MB21D2: variants seen among roughly 807,000 people sequenced by gnomAD.
The protein encoded by MB21D2 is nucleotidyltransferase MB21D2.
MB21D2 carries 9 observed loss-of-function variants against 33.3 expected under a neutral mutation model. The observed-to-expected ratio is 0.27, with a 90% CI of 0.16 to 0.47. The LOEUF (loss-of-function observed/expected upper bound fraction) is 0.47. Ranked by LOEUF, MB21D2 falls within the 20% of genes least tolerant of loss-of-function variation. MB21D2 has a pLI of 0.99. For missense variants in MB21D2, 540 were observed against 624.6 expected, an observed-to-expected ratio of 0.86 and a Z score of 1.44; for synonymous variants, 241 against 236.3, an observed-to-expected ratio of 1.02 and a Z score of -0.18.
rs1560247349 is a variant in MB21D2, at chr3:192,877,056, AAGGAGAGAAAC to A, written c.211+40563_211+40573del. Among the ~76,000 whole-genome samples, 4 of 152,282 alleles carry A rather than the reference AAGGAGAGAAAC, an allele frequency of 2.6e-5. No individual in the cohort carries two copies. The South Asian group carries it at 8.3e-4, about 32-fold the overall frequency. ...CTTATGGGTGGAATGTATGAAAGAG[AAGGAGAGAAAC>A]AGGAAGAAAGGAACGGAAGAAAAAC... On this transcript the variant is annotated intron_variant, in intron 1 of 1. Coordinates refer to ENST00000392452, the MANE Select transcript of MB21D2 (RefSeq NM_178496.4).
At chr3:192,866,799 T>C (rs544979730) in intron 1 of MB21D2, among the ~76,000 whole-genome samples, 17 of 152,328 alleles carry the variant, frequency 1.1e-4, no homozygotes, top group African/African-American at 4.1e-4. Flanking sequence ...TTCCCATCTT[T>C]AGAAGAGGAG....
intron 1 of MB21D2, among the ~76,000 whole-genome samples, chr3:192,858,083 C>G (rs899038271): frequency 1.3e-5 from 2 of 152,174 alleles, no homozygotes; most frequent in African/African-American, 4.8e-5. Context: ...CAAGATCACA[C>G]CACTGCACTC....
intron 1 of MB21D2, among the ~76,000 whole-genome samples, chr3:192,845,385 G>A (rs1241165062): frequency 1.3e-5 from 2 of 152,222 alleles, no homozygotes. Flanking sequence ...CCAAGGGTGA[G>A]CTTTGTGGTA....
At chr3:192,807,067 GAA>G (rs1711679911) in intron 1 of MB21D2, among the ~76,000 whole-genome samples, 1 of 152,142 alleles carries the variant, frequency 6.6e-6, no homozygotes. Flanking sequence ...GGTAATCAGT[GAA>G]CAGGGTTTGT....
At chr3:192,890,661 C>T (rs1713833346) in intron 1 of MB21D2, among the ~76,000 whole-genome samples, 1 of 151,504 alleles carries the variant, frequency 6.6e-6, no homozygotes, top group Non-Finnish European at 1.5e-5. Context: ...CAGGTACAAA[C>T]TCATCAATTT....
intron 1 of MB21D2, among the ~76,000 whole-genome samples, chr3:192,829,993 G>C (rs1712277377): frequency 6.6e-6 from 1 of 152,078 alleles, no homozygotes; most frequent in Non-Finnish European, 1.5e-5. Flanking sequence ...CTCCCAAGTA[G>C]GTAGGACTAC....
intron 1 of MB21D2, among the ~76,000 whole-genome samples, chr3:192,816,222 T>TA (rs1197108873): frequency 0.011 from 1,353 of 122,532 alleles, 13 homozygotes; most frequent in African/African-American, 0.035. Flanking sequence ...ATTTTTTTTT[T>TA]TAAAAAAAAA....
rs1560222986 is a variant in MB21D2 at position 192,797,153 on chromosome 3, A to C, written c.*1233T>G. The C allele has an allele frequency of 6.6e-6, 1 of 152,656 alleles. No individual in the cohort carries two copies. Among genetic ancestry groups the C allele is most frequent in the Non-Finnish European group, 1.5e-5 (1 of 68,060 alleles). The allele number at this position is 152,656 out of a possible 1,614,324, so 9.5% of individuals were successfully genotyped here. A position where few individuals can be genotyped will look rare whatever the true frequency, so the allele number is the denominator to read the frequency against. ...AATCAGGCAAGTAACTTCACTCATG[A>C]AGACAGGACACCTCTATACCAAGGC... is the stretch of plus-strand genomic sequence containing the variant. On this transcript the variant is annotated 3_prime_UTR_variant, in exon 2 of 2. Coordinates refer to ENST00000392452, the MANE Select transcript of MB21D2 (RefSeq NM_178496.4).
At chr3:192,813,592 T>C (rs1394486592) in intron 1 of MB21D2, among the ~76,000 whole-genome samples, 4 of 152,182 alleles carry the variant, frequency 2.6e-5, no homozygotes, top group South Asian at 2.1e-4. Flanking sequence ...ATTTGTTCCC[T>C]ATAATTACTT....
At chr3:192,831,692 G>A (rs1712318893) in intron 1 of MB21D2, among the ~76,000 whole-genome samples, 1 of 152,064 alleles carries the variant, frequency 6.6e-6, no homozygotes, top group Non-Finnish European at 1.5e-5. Flanking sequence ...TCGATTCTAA[G>A]GTGCCTACTA....
intron 1 of MB21D2, among the ~76,000 whole-genome samples, chr3:192,901,232 T>C (rs1370818333): frequency 6.6e-6 from 1 of 152,020 alleles, no homozygotes; most frequent in African/African-American, 2.4e-5. Flanking sequence ...ATTGTCCAGA[T>C]AGTTCACTAT....
intron 1 of MB21D2, among the ~76,000 whole-genome samples, chr3:192,881,840 T>C (rs1713603145): frequency 6.6e-6 from 1 of 152,098 alleles, no homozygotes; most frequent in Non-Finnish European, 1.5e-5. Context: ...GGCATCAATG[T>C]TTATCTGTTC....
chr3:192,830,068 C>T (rs1292182126), intron 1 of MB21D2, among the ~76,000 whole-genome samples: 2 of 152,080 alleles, frequency 1.3e-5, no homozygotes, highest in Non-Finnish European at 2.9e-5. Flanking sequence ...CGGCGTCTTG[C>T]TATGTTGCCC....
rs995911829 is a variant in MB21D2 at position 192,797,344 on chromosome 3, GA to G, written c.*1041del. The G allele has an allele frequency of 1.6e-4, 25 of 152,642 alleles. No individual in the cohort carries two copies. Among genetic ancestry groups the G allele is most frequent in the African/African-American group, 6.0e-4 (25 of 41,544 alleles). The allele number at this position is 152,642 out of a possible 1,614,324, so 9.5% of individuals were successfully genotyped here. On this transcript the variant is annotated 3_prime_UTR_variant, in exon 2 of 2. Transcript: ENST00000392452. The stretch of plus-strand genomic sequence containing the variant: ...AAAGCTTACCTCTATGACCCCAAAA[GA>G]AATAAATACAAAGACACCTACTTCA...
At chr3:192,830,993 C>T (rs1712303279) in intron 1 of MB21D2, among the ~76,000 whole-genome samples, 1 of 152,174 alleles carries the variant, frequency 6.6e-6, no homozygotes, top group African/African-American at 2.4e-5. Context: ...AAGGAAACAG[C>T]CCACACCCAG....
chr3:192,908,399 CTT>C (rs201114331), intron 1 of MB21D2, among the ~76,000 whole-genome samples: 38 of 137,812 alleles, frequency 2.8e-4, no homozygotes, highest in Non-Finnish European at 2.4e-4. Flanking sequence ...AAATTTTCTT[CTT>C]TTTTTTTTTT....
intron 1 of MB21D2, among the ~76,000 whole-genome samples, chr3:192,870,096 T>C (rs932901681): frequency 6.6e-6 from 1 of 152,138 alleles, no homozygotes; most frequent in African/African-American, 2.4e-5. Context: ...ATACGGATGC[T>C]CTTGGCCCAC....
At chr3:192,917,234 G>A (rs1257215817) in intron 1 of MB21D2, among the ~76,000 whole-genome samples, 1 of 152,222 alleles carries the variant, frequency 6.6e-6, no homozygotes, top group Non-Finnish European at 1.5e-5. Context: ...GGAAAGCGGA[G>A]GTCCCTGCCT....
intron 1 of MB21D2, among the ~76,000 whole-genome samples, chr3:192,804,189 G>C (rs1353736414): frequency 6.6e-6 from 1 of 152,088 alleles, no homozygotes; most frequent in South Asian, 2.1e-4. Context: ...ATGGAACTCT[G>C]TCCCTGACTT....
Sources: allele counts gnomAD v4.1 joint callset (sites outside exome capture counted in the v4.1 genomes callset), GRCh38; gene constraint gnomAD v4.1.1; transcripts MANE v1.5; gene names NCBI Gene and HGNC (gene_info 2026-07-23, HGNC 2026-07-21).